NRF1: variants seen among roughly 807,000 people sequenced by gnomAD.
NRF1 encodes nuclear respiratory factor 1.
Under a neutral mutation model 58.5 loss-of-function variants are expected in NRF1, and 5 were observed. The observed-to-expected ratio is 0.09, with a 90% CI of 0.04 to 0.18. NRF1 has a LOEUF of 0.18. Ranked by LOEUF, NRF1 falls within the 10% of genes least tolerant of loss-of-function variation. NRF1 has a pLI of 1.00. For missense variants in NRF1, 288 were observed against 657.7 expected (o/e 0.44, Z 6.15); for synonymous variants, 224 against 246.7 (o/e 0.91, Z 0.86).
intron 1 of NRF1, among the ~76,000 whole-genome samples, chr7:129,612,890 A>C (rs1800569986): frequency 6.6e-6 from 1 of 152,236 alleles, no homozygotes; most frequent in African/African-American, 2.4e-5. Flanking sequence ...TTGTTTAAAA[A>C]TCTTAATACT....
chr7:129,663,952 C>T (rs913533380), intron 2 of NRF1, among the ~76,000 whole-genome samples: 2 of 152,194 alleles, frequency 1.3e-5, no homozygotes, highest in African/African-American at 4.8e-5. Flanking sequence ...CGGCGAAACC[C>T]CGTCTCCACC....
At chr7:129,667,310 T>G (rs577146353) in intron 2 of NRF1, among the ~76,000 whole-genome samples, 1 of 152,350 alleles carries the variant, frequency 6.6e-6, no homozygotes, top group South Asian at 2.1e-4. Flanking sequence ...AGTGTTGGTT[T>G]AATTTGTGTT....
At chr7:129,743,810 C>T (rs1348479483) in intron 10 of NRF1, among the ~76,000 whole-genome samples, 1 of 152,170 alleles carries the variant, frequency 6.6e-6, no homozygotes. Context: ...CTCTGCCCCC[C>T]GACCCAGCTG....
At chr7:129,734,767 G>A (rs1373770138) in intron 10 of NRF1, among the ~76,000 whole-genome samples, 1 of 152,192 alleles carries the variant, frequency 6.6e-6, no homozygotes, top group Non-Finnish European at 1.5e-5. Context: ...GTTGGGTGGT[G>A]GGCTACGGGT....
At chr7:129,638,033 G>A (rs1801208070) in intron 1 of NRF1, among the ~76,000 whole-genome samples, 1 of 151,560 alleles carries the variant, frequency 6.6e-6, no homozygotes, top group Non-Finnish European at 1.5e-5. Context: ...AATATTCCTT[G>A]TTGCACAGCA....
At chr7:129,750,687 A>C (rs764187619) in intron 10 of NRF1, among the ~76,000 whole-genome samples, 1 of 152,190 alleles carries the variant, frequency 6.6e-6, no homozygotes, top group Non-Finnish European at 1.5e-5. Flanking sequence ...GGTGGGGACC[A>C]TTTCCTCACC....
chr7:129,742,328 A>G (rs573616598), intron 10 of NRF1, among the ~76,000 whole-genome samples: 10 of 151,432 alleles, frequency 6.6e-5, no homozygotes, highest in East Asian at 1.9e-4. Context: ...TAGCAATTGC[A>G]TCTGAGAATC....
chr7:129,701,598 A>G (rs1014124796), intron 5 of NRF1, among the ~76,000 whole-genome samples: 1 of 151,592 alleles, frequency 6.6e-6, no homozygotes, highest in Non-Finnish European at 1.5e-5. Context: ...TCTCAAAAAA[A>G]AAAAAGAAAA....
chr7:129,630,750 G>C (rs1413902959), intron 1 of NRF1, among the ~76,000 whole-genome samples: 3 of 152,150 alleles, frequency 2.0e-5, no homozygotes, highest in Non-Finnish European at 2.9e-5. Context: ...TAAATTGTCA[G>C]ATTATTTTGT....
At position 129,688,275 on chromosome 7, in the gene NRF1, C is replaced by G. The variant is rs147236504; in HGVS notation, c.466-2131C>G. On this transcript the variant is annotated intron_variant, in intron 4 of 10. Transcript: ENST00000393232. ...CCGAGTAGCTGGGACCACAGGTGCG[C>G]ACTACCATGCCTGGCTAATTTTTGT... Among the ~76,000 whole-genome samples, 1,318 of 152,188 alleles carry G rather than the reference C, an allele frequency of 8.7e-3. 7 individuals carry two copies. The highest frequency in any genetic ancestry group is 0.02 in the Middle Eastern group (6 of 294).
At chr7:129,628,333 C>G (rs1390816413) in intron 1 of NRF1, among the ~76,000 whole-genome samples, 2 of 151,628 alleles carry the variant, frequency 1.3e-5, no homozygotes, top group Non-Finnish European at 2.9e-5. Flanking sequence ...CCCTTTTACT[C>G]TCATAAAAAT....
At chr7:129,658,175 GTT>G (rs945163287) in intron 2 of NRF1, among the ~76,000 whole-genome samples, 1 of 151,620 alleles carries the variant, frequency 6.6e-6, no homozygotes, top group African/African-American at 2.4e-5. Context: ...CTTTCTTGGC[GTT>G]TTCTTTTGTA....
chr7:129,694,874 C>A (rs1339677901), intron 5 of NRF1, among the ~76,000 whole-genome samples: 1 of 152,136 alleles, frequency 6.6e-6, no homozygotes, highest in Non-Finnish European at 1.5e-5. Context: ...GTATCATGCC[C>A]TCCAGTTAAA....
intron 1 of NRF1, among the ~76,000 whole-genome samples, chr7:129,649,297 G>C (rs548765591): frequency 3.4e-4 from 52 of 152,250 alleles, no homozygotes; most frequent in African/African-American, 1.2e-3. Context: ...AGTTGAGCCA[G>C]CCTAGGTTCC....
intron 1 of NRF1, among the ~76,000 whole-genome samples, chr7:129,613,790 TGGGAGGGG>T (rs1800597051): frequency 4.0e-4 from 2 of 5,026 alleles, no homozygotes; most frequent in Non-Finnish European, 7.5e-4. Context: ...TCCCAGCTGC[TGGGAGGGG>T]CGGGGGCGGG....
At chr7:129,623,811 C>A (rs1399149288) in intron 1 of NRF1, among the ~76,000 whole-genome samples, 1 of 152,160 alleles carries the variant, frequency 6.6e-6, no homozygotes, top group African/African-American at 2.4e-5. Context: ...TTATTCTCTT[C>A]CCTTCTACTT....
intron 1 of NRF1, among the ~76,000 whole-genome samples, chr7:129,652,221 A>G (rs1021008329): frequency 6.6e-6 from 1 of 152,226 alleles, no homozygotes; most frequent in African/African-American, 2.4e-5. Context: ...ATGTTCTTTT[A>G]CATGCAGCCA....
At position 129,723,242 on chromosome 7, in the gene NRF1, G is replaced by C. The variant is rs193089148; in HGVS notation, c.1224-3999G>C. On this transcript the variant is annotated intron_variant, in intron 9 of 10. Coordinates refer to ENST00000393232, the MANE Select transcript of NRF1 (RefSeq NM_005011.5). ...GTGGATCACCTGAGGTTGGGAGTTC[G>C]AGACCAGCCTGGCCAACATGGAGAA... is the stretch of plus-strand genomic sequence containing the variant. Among the ~76,000 whole-genome samples the C allele has an allele frequency of 2.2e-3, 339 of 152,112 alleles. 1 individual carries two copies. The highest frequency in any genetic ancestry group is 3.9e-3 in the Non-Finnish European group (262 of 67,972).
intron 2 of NRF1, among the ~76,000 whole-genome samples, chr7:129,668,831 A>G (rs910255003): frequency 2.0e-5 from 3 of 152,190 alleles, no homozygotes; most frequent in African/African-American, 7.2e-5. Context: ...AAAAAGAAGA[A>G]TTCTAGGTAT....
Sources: allele counts gnomAD v4.1 joint callset (sites outside exome capture counted in the v4.1 genomes callset), GRCh38; gene constraint gnomAD v4.1.1; transcripts MANE v1.5; gene names NCBI Gene and HGNC (gene_info 2026-07-23, HGNC 2026-07-21).